The following GABRG3 variants were observed in gnomAD, a reference collection of about 807,000 sequenced individuals.
GABRG3 encodes the protein gamma-aminobutyric acid type A receptor subunit gamma3.
Under a neutral mutation model 48.8 loss-of-function variants are expected in GABRG3, and 25 were observed. That is an observed-to-expected ratio of 0.51 (90% CI 0.37 to 0.72). The LOEUF (loss-of-function observed/expected upper bound fraction) is 0.72. Among genes scored for constraint, GABRG3 ranks in the 30% least tolerant of loss-of-function variants. GABRG3 has a pLI of 0.00. For missense variants in GABRG3, 394 were observed against 577.9 expected (o/e 0.68, Z 3.26); for synonymous variants, 227 against 217.6 (o/e 1.04, Z -0.38).
chr15:27,480,984 T>C, intron 6 of GABRG3, 197 bp downstream of exon 6: 2 of 1,378,600 alleles, frequency 1.5e-6, no homozygotes, highest in Non-Finnish European at 1.9e-6. Flanking sequence ...AAATAATTCA[T>C]ATTTTTGAAT....
At chr15:27,112,543 C>T (rs755838533) in intron 3 of GABRG3, among the ~76,000 whole-genome samples, 25 of 150,478 alleles carry the variant, frequency 1.7e-4, no homozygotes, top group Non-Finnish European at 2.7e-4. Flanking sequence ...TGGGTTCAAG[C>T]GATTCTCCTG....
chr15:27,241,028 C>G (rs1890114698), intron 3 of GABRG3, among the ~76,000 whole-genome samples: 1 of 152,188 alleles, frequency 6.6e-6, no homozygotes, highest in Non-Finnish European at 1.5e-5. Context: ...CCCTTCCTGC[C>G]ACCCTCAACA....
At chr15:27,240,905 ATCT>A (rs1253497846) in intron 3 of GABRG3, among the ~76,000 whole-genome samples, 4 of 152,214 alleles carry the variant, frequency 2.6e-5, no homozygotes, top group African/African-American at 4.8e-5. Context: ...TAGACCCTGA[ATCT>A]TCTTCTCAAA....
chr15:27,372,829 C>G (rs28676704), intron 5 of GABRG3, among the ~76,000 whole-genome samples: 1 of 152,206 alleles, frequency 6.6e-6, no homozygotes, highest in Admixed American at 6.5e-5. Flanking sequence ...CTCTGTCTCT[C>G]TCCCAGTCCC....
In GABRG3 at chr15:27,308,740, T is replaced by C. The variant is rs140248591; in HGVS notation, c.271-18069T>C. ...TGTAAACATAATGTAAACATACGTT[T>C]ATATGTAAACATATAATGTAAACAT... is the stretch of plus-strand genomic sequence containing the variant. On this transcript the variant is annotated intron_variant, in intron 3 of 9. Coordinates refer to ENST00000615808, the MANE Select transcript of GABRG3 (RefSeq NM_033223.5). 1.1e-3 allele frequency among the ~76,000 whole-genome samples: 166 copies of C among 149,558 alleles called. 3 individuals carry two copies. In the East Asian group the frequency reaches 0.027, roughly 24 times the overall value.
Position 27,102,190 on chromosome 15 carries a change from A to G in GABRG3, c.270+75369A>G, listed in dbSNP as rs758118571. Among the ~76,000 whole-genome samples the G allele has an allele frequency of 3.3e-5, 5 of 152,214 alleles. No homozygotes were observed. In the South Asian group the frequency reaches 6.2e-4, roughly 19 times the overall value. On this transcript the variant is annotated intron_variant, in intron 3 of 9. Coordinates refer to ENST00000615808, the MANE Select transcript of GABRG3 (RefSeq NM_033223.5). ...CCATTACACACATGGGCTGCTGCCA[A>G]TGTTAGGAGCTGGGAGAGCTAGTCA...
intron 6 of GABRG3, among the ~76,000 whole-genome samples, chr15:27,488,330 T>C (rs1282751649): frequency 2.0e-5 from 3 of 152,166 alleles, no homozygotes; most frequent in African/African-American, 7.2e-5. Context: ...CACATAGCAT[T>C]GTACTGTGAT....
intron 3 of GABRG3, among the ~76,000 whole-genome samples, chr15:27,041,336 C>A (rs959876554): frequency 5.9e-5 from 9 of 152,132 alleles, no homozygotes. Flanking sequence ...GCACACACCA[C>A]CATTCTCAGC....
chr15:27,212,198 TG>T (rs1332091582), intron 3 of GABRG3, among the ~76,000 whole-genome samples: 1 of 152,152 alleles, frequency 6.6e-6, no homozygotes, highest in African/African-American at 2.4e-5. Flanking sequence ...GGAAGACAAG[TG>T]ATTACGGAAG....
chr15:27,247,241 A>G (rs547201021), intron 3 of GABRG3, among the ~76,000 whole-genome samples: 6 of 151,766 alleles, frequency 4.0e-5, no homozygotes, highest in Middle Eastern at 6.8e-3. Flanking sequence ...TGCCTTGCCC[A>G]CTCATCTTTA....
chr15:27,131,761 C>T (rs1453294765), intron 3 of GABRG3, among the ~76,000 whole-genome samples: 1 of 151,962 alleles, frequency 6.6e-6, no homozygotes, highest in East Asian at 1.9e-4. Flanking sequence ...TACATTTCTA[C>T]CTCATCAGCG....
chr15:27,532,579 T>G, intron 9 of GABRG3, 21 bp from the exon 10 acceptor site: 1 of 1,609,804 alleles, frequency 6.2e-7, no homozygotes, highest in African/African-American at 1.3e-5. Context: ...ATGGTTGTTG[T>G]GTCATTTTTG....
intron 3 of GABRG3, among the ~76,000 whole-genome samples, chr15:27,109,391 G>A (rs8028661): frequency 0.99 from 151,070 of 152,294 alleles, 74,935 homozygotes; most frequent in East Asian, 1. Flanking sequence ...TGTACATTCT[G>A]TAGGCTTTGC....
At chr15:27,379,405 A>G (rs1895696419) in intron 5 of GABRG3, among the ~76,000 whole-genome samples, 1 of 152,202 alleles carries the variant, frequency 6.6e-6, no homozygotes, top group African/African-American at 2.4e-5. Flanking sequence ...ATAAGCTATA[A>G]TCATCAAATT....
chr15:27,392,791 T>C (rs1476437363), intron 5 of GABRG3, among the ~76,000 whole-genome samples: 1 of 152,236 alleles, frequency 6.6e-6, no homozygotes, highest in African/African-American at 2.4e-5. Context: ...GGATATTTAT[T>C]TTATACTCTG....
chr15:27,025,024 CAAAAAA>C (rs34897569), intron 2 of GABRG3, among the ~76,000 whole-genome samples: 3 of 91,638 alleles, frequency 3.3e-5, no homozygotes, highest in South Asian at 9.0e-4. Flanking sequence ...GACCCTGTCT[CAAAAAA>C]AAAAAAAAAA....
intron 3 of GABRG3, among the ~76,000 whole-genome samples, chr15:27,088,245 C>CGGGACGGGCGCG (rs1897117885): frequency 9.3e-6 from 1 of 107,876 alleles, no homozygotes; most frequent in African/African-American, 3.7e-5. Context: ...TGGGAGTGCT[C>CGGGACGGGCGCG]GGGGCGGGCG....
At chr15:27,504,647 C>G (rs1013004546) in intron 6 of GABRG3, among the ~76,000 whole-genome samples, 1 of 152,080 alleles carries the variant, frequency 6.6e-6, no homozygotes, top group Non-Finnish European at 1.5e-5. Flanking sequence ...TTACCATTTC[C>G]GGGACTGACA....
intron 3 of GABRG3, among the ~76,000 whole-genome samples, chr15:27,301,032 T>G (rs1224221978): frequency 6.6e-6 from 1 of 152,026 alleles, no homozygotes; most frequent in Admixed American, 6.6e-5. Flanking sequence ...ATGACATATA[T>G]GACATATGAT....
Sources: allele counts gnomAD v4.1 joint callset (sites outside exome capture counted in the v4.1 genomes callset), GRCh38; gene constraint gnomAD v4.1.1; transcripts MANE v1.5; gene names NCBI Gene and HGNC (gene_info 2026-07-23, HGNC 2026-07-21).